OGDH: variants seen among roughly 807,000 people sequenced by gnomAD.
OGDH encodes the protein oxoglutarate dehydrogenase, also known as 2-oxoglutarate dehydrogenase complex component E1.
In OGDH, 38 loss-of-function variants were observed where a neutral mutation model predicts 116.6. The ratio of observed to expected loss-of-function variants is 0.33; its 90% CI spans 0.25 to 0.43. The LOEUF is 0.43. OGDH is among the 20% of genes least tolerant of loss of function. The pLI is 1.00. For synonymous variants in OGDH, 488 were observed against 533.3 expected (o/e 0.92, Z 1.17); for missense variants, 825 against 1,357.2 (o/e 0.61, Z 6.16).
intron 2 of OGDH, among the ~76,000 whole-genome samples, chr7:44,643,035 A>T (rs556595933): frequency 1.8e-4 from 26 of 145,600 alleles, no homozygotes; most frequent in African/African-American, 6.4e-4. Context: ...AGGCAGGAGG[A>T]TTGCTTGAGG....
intron 1 of OGDH, among the ~76,000 whole-genome samples, chr7:44,621,171 T>G (rs1292212746): frequency 6.6e-6 from 1 of 152,186 alleles, no homozygotes; most frequent in Non-Finnish European, 1.5e-5. Context: ...CCTCCTGGGC[T>G]CAGGCTATCC....
intron 18 of OGDH, among the ~76,000 whole-genome samples, 175 bp from the exon 19 acceptor site, chr7:44,699,966 A>G (rs1049091562): frequency 6.6e-6 from 1 of 152,162 alleles, no homozygotes; most frequent in African/African-American, 2.4e-5. Flanking sequence ...GGGATGGCCC[A>G]AGCTCTAATC....
At chr7:44,617,406 C>T (rs1784847803) in intron 1 of OGDH, among the ~76,000 whole-genome samples, 1 of 152,114 alleles carries the variant, frequency 6.6e-6, no homozygotes, top group Non-Finnish European at 1.5e-5. Flanking sequence ...CAGGAAAGCT[C>T]ACACAGTGAC....
chr7:44,637,870 A>AT (rs1785743452), intron 2 of OGDH, among the ~76,000 whole-genome samples: 1 of 152,026 alleles, frequency 6.6e-6, no homozygotes, highest in African/African-American at 2.4e-5. Context: ...TCCTGCACAC[A>AT]TCTGACACTC....
At position 44,625,465 on chromosome 7, in the gene OGDH, G is replaced by A. The variant is rs79711732; in HGVS notation, c.222+900G>A. ...ACAGAATTCCTTTATTCTGTTTTGA[G>A]CCAATAAATATTTATAGGTTTTGAT... is the stretch of plus-strand genomic sequence containing the variant. On this transcript the variant is annotated intron_variant, in intron 2 of 22. Transcript: ENST00000222673. Among the ~76,000 whole-genome samples the A allele has an allele frequency of 4.1e-3, 628 of 152,266 alleles. 4 individuals are homozygous for A. Among genetic ancestry groups the A allele is most frequent in the African/African-American group, 0.013 (548 of 41,548 alleles).
chr7:44,668,548 T>C (rs1787286701), intron 5 of OGDH, among the ~76,000 whole-genome samples: 1 of 152,328 alleles, frequency 6.6e-6, no homozygotes, highest in East Asian at 1.9e-4. Flanking sequence ...CCGCCTGCCT[T>C]CCTCACTTGT....
At position 44,641,572 on chromosome 7, in the gene OGDH, G is replaced by A. The variant is rs183586780; in HGVS notation, c.223-3755G>A. 2.6e-4 allele frequency among the ~76,000 whole-genome samples: 39 copies of A among 152,284 alleles called. No individual in the cohort carries two copies. The East Asian group carries it at 7.3e-3, about 29-fold the overall frequency. On this transcript the variant is annotated intron_variant, in intron 2 of 22. Transcript: ENST00000222673. The stretch of plus-strand genomic sequence containing the variant: ...TGGTAGCTTGCTGTTGGTTCTTGCT[G>A]TGCAGGGGTGGGATACAGCCAGACT...
chr7:44,696,848 CT>C, intron 14 of OGDH, 65 bp from the exon 15 acceptor site: 1 of 1,514,646 alleles, frequency 6.6e-7, no homozygotes, highest in Non-Finnish European at 8.9e-7. Flanking sequence ...CATGGGCACG[CT>C]GAGAAGCAAG....
chr7:44,630,510 ATTTTAATC>A (rs371343226), intron 2 of OGDH, among the ~76,000 whole-genome samples: 4 of 152,344 alleles, frequency 2.6e-5, no homozygotes, highest in African/African-American at 7.2e-5. Context: ...CATTTTGAGT[ATTTTAATC>A]TTTTATGTTT....
Position 44,707,490 on chromosome 7 carries a change from A to G in OGDH, c.2797-92A>G. ...TTGGGGTGTGGCCCTCAGGTTCCTG[A>G]CCTTCCCTGCTCGGAACACCAGTTT... is the stretch of plus-strand genomic sequence containing the variant. On this transcript the variant is annotated intron_variant, in intron 21 of 22. Coordinates refer to ENST00000222673, the MANE Select transcript of OGDH (RefSeq NM_002541.4). The surrounding 1 kb of genome is among the most constrained non-coding windows in gnomAD (Gnocchi z 5.2). 6.3e-7 allele frequency: 1 copy of G among 1,594,430 alleles called. No homozygotes were observed. The highest frequency in any genetic ancestry group is 2.2e-5 in the East Asian group (1 of 44,680).
Position 44,624,493 on chromosome 7 carries a change from C to T in OGDH, c.150C>T (p.Leu50=), listed in dbSNP as rs1785126639. 4 of 1,613,938 alleles carry T rather than the reference C, an allele frequency of 2.5e-6. No homozygotes were observed. Among genetic ancestry groups the T allele is most frequent in the Non-Finnish European group, 3.4e-6 (4 of 1,179,994 alleles). The change falls in exon 2 of 23, where the codon CTC becomes CTT. Residue 50 remains leucine, a synonymous_variant. Coordinates refer to ENST00000222673, the MANE Select transcript of OGDH (RefSeq NM_002541.4). ...CACCTGTTGCTGCTGAGCCCTTTCT[C>T]AGTGGGACTAGTTCGAACTATGTGG... ...YSAPVAAEPF[L]SGTSSNYVEE... is the part of the protein sequence containing the mutation.
In OGDH at chr7:44,681,807, T is replaced by G; in HGVS notation, c.1294T>G (p.Tyr432Asp). The change falls in exon 10 of 23, where the codon TAC becomes GAC. Residue 432 changes from tyrosine to aspartate, a missense_variant. Around this residue, in one of 7 missense-constraint regions of OGDH, gnomAD observed 146 missense variants for 317.3 expected, o/e 0.46. Transcript: ENST00000222673. ...ETFHLSDLPS[Y>D]TTHGTVHVVV... ...CTTCCACCTCAGCGACCTGCCATCC[T>G]ACACAACTCATGGCACCGTGCACGT... The G allele has an allele frequency of 6.2e-7, 1 of 1,614,178 alleles. No homozygotes were observed. Among genetic ancestry groups the G allele is most frequent in the South Asian group, 1.1e-5 (1 of 91,080 alleles).
At chr7:44,633,272 A>AAC (rs1467386835) in intron 2 of OGDH, among the ~76,000 whole-genome samples, 1 of 149,046 alleles carries the variant, frequency 6.7e-6, no homozygotes. Context: ...AAAAAAAAAA[A>AAC]AACCCTCAAT....
chr7:44,684,437 T>G (rs143115804), intron 10 of OGDH, among the ~76,000 whole-genome samples: 1 of 152,146 alleles, frequency 6.6e-6, no homozygotes, highest in African/African-American at 2.4e-5. Flanking sequence ...GCTCAAAATT[T>G]AAGAGGTCAA....
chr7:44,635,612 C>T (rs1785631847), intron 2 of OGDH, among the ~76,000 whole-genome samples: 1 of 152,042 alleles, frequency 6.6e-6, no homozygotes, highest in African/African-American at 2.4e-5. Context: ...CCAGAGCCAC[C>T]CGTAGTCATA....
intron 5 of OGDH, among the ~76,000 whole-genome samples, chr7:44,673,496 A>G (rs888300840): frequency 6.6e-6 from 1 of 152,144 alleles, no homozygotes; most frequent in East Asian, 1.9e-4. Context: ...GCTTCTTGCC[A>G]CAAAGGTAAC....
chr7:44,691,391 G>C (rs1230280651), intron 10 of OGDH, among the ~76,000 whole-genome samples: 1 of 151,888 alleles, frequency 6.6e-6, no homozygotes, highest in East Asian at 1.9e-4. Context: ...AATTAGCCAG[G>C]CGTGGTGGTA....
Position 44,701,529 on chromosome 7 carries a change from G to A in OGDH, c.2560-14G>A. The stretch of plus-strand genomic sequence containing the variant: ...GAATCTGATCCTTCACGAGCCTATT[G>A]TTCTGTATTTCAGTTAATTATCTTC... On this transcript the variant is annotated splice_polypyrimidine_tract_variant and intron_variant, in intron 19 of 22. Transcript: ENST00000222673. 1 of 1,612,534 alleles carries A rather than the reference G, an allele frequency of 6.2e-7. No individual in the cohort carries two copies.
intron 5 of OGDH, among the ~76,000 whole-genome samples, chr7:44,669,998 T>C (rs1158279055): frequency 6.6e-6 from 1 of 152,136 alleles, no homozygotes; most frequent in East Asian, 1.9e-4. Context: ...GAAATTCAAC[T>C]TATTGGCTTC....
Sources: gnomAD v4.1 joint callset for allele counts (sites outside exome capture counted in the v4.1 genomes callset) on GRCh38, gnomAD v4.1.1 for gene constraint, gnomAD v4.1.1 regional missense constraint, Gnocchi (gnomAD v3.1) non-coding constraint, MANE v1.5 for transcripts, NCBI Gene and HGNC (gene_info 2026-07-23, HGNC 2026-07-21) for gene names.